PTGER4: variants seen among roughly 807,000 people sequenced by gnomAD.
PTGER4 encodes prostaglandin E receptor 4.
Under a neutral mutation model 33.2 loss-of-function variants are expected in PTGER4, and 11 were observed. The observed-to-expected ratio is 0.33, with a 90% confidence interval of 0.21 to 0.55. The LOEUF is 0.55. PTGER4 is among the 20% of genes least tolerant of loss of function. PTGER4 has a pLI of 0.92. For synonymous variants in PTGER4, 275 were observed against 281.5 expected, an observed-to-expected ratio of 0.98 and a Z score of 0.23; for missense variants, 481 against 650.2, an observed-to-expected ratio of 0.74 and a Z score of 2.83.
the PTGER4 span, among the ~76,000 whole-genome samples, chr5:40,705,317 A>T: frequency 0.3 from 45,326 of 152,100 alleles, 7,013 homozygotes; most frequent in East Asian, 0.56. Context: ...CATATACAAA[A>T]ATCAACTCAA....
At chr5:40,715,650 A>G in the PTGER4 span, 1 of 152,546 alleles carries the variant, frequency 6.6e-6, no homozygotes, top group Non-Finnish European at 1.5e-5. Flanking sequence ...ACCAAATGAC[A>G]ACTTTGAATC....
chr5:40,709,717 C>T, the PTGER4 span, among the ~76,000 whole-genome samples: 3 of 152,176 alleles, frequency 2.0e-5, no homozygotes, highest in Admixed American at 2.0e-4. Context: ...AAAGAGCCCA[C>T]ATTGCCAAGT....
chr5:40,715,205 G>A, the PTGER4 span: 1 of 151,930 alleles, frequency 6.6e-6, no homozygotes, highest in African/African-American at 2.4e-5. Flanking sequence ...TCACTGAGTA[G>A]TTTCAAAAAA....
chr5:40,706,622 C>A, the PTGER4 span, among the ~76,000 whole-genome samples: 4 of 151,490 alleles, frequency 2.6e-5, no homozygotes, highest in Admixed American at 1.3e-4. Context: ...CAGCACAAAG[C>A]AGAAAATCTT....
chr5:40,741,352 A>G, the PTGER4 span, among the ~76,000 whole-genome samples: 1 of 152,180 alleles, frequency 6.6e-6, no homozygotes, highest in East Asian at 1.9e-4. Flanking sequence ...GTGACCATCA[A>G]AGACACTCCA....
chr5:40,686,033 A>C, intron 2 of PTGER4, among the ~76,000 whole-genome samples: 1 of 152,210 alleles, frequency 6.6e-6, no homozygotes, highest in Non-Finnish European at 1.5e-5. Flanking sequence ...CCAGAAGAAG[A>C]ACCAAGCTCT....
At chr5:40,696,706 A>G, downstream of PTGER4, 2 of 984,876 alleles carry the variant, frequency 2.0e-6, no homozygotes, top group Non-Finnish European at 2.4e-6. Context: ...AACACCAGTC[A>G]CTTTTCCTAA....
downstream of PTGER4, among the ~76,000 whole-genome samples, chr5:40,698,237 C>A (rs1741659551): frequency 6.6e-6 from 1 of 151,640 alleles, no homozygotes; most frequent in Non-Finnish European, 1.5e-5. Flanking sequence ...AAGATGGTGC[C>A]ACTGGACACC....
chr5:40,718,236 T>C, the PTGER4 span, among the ~76,000 whole-genome samples: 269 of 151,448 alleles, frequency 1.8e-3, 1 homozygote, highest in African/African-American at 6.2e-3. Context: ...AAACCCCGTC[T>C]CTACTAAAGA....
the PTGER4 span, among the ~76,000 whole-genome samples, chr5:40,711,602 A>C: frequency 6.6e-6 from 1 of 152,146 alleles, no homozygotes; most frequent in Non-Finnish European, 1.5e-5. Context: ...TAGCAGCTTT[A>C]TTCATAATAG....
downstream of PTGER4, among the ~76,000 whole-genome samples, chr5:40,696,982 A>AGAGAGAGAG (rs66476258): frequency 2.4e-5 from 3 of 124,962 alleles, no homozygotes; most frequent in East Asian, 6.5e-4. Flanking sequence ...GAGAGAGAGA[A>AGAGAGAGAG]AGAGAGAAAG....
intron 2 of PTGER4, among the ~76,000 whole-genome samples, chr5:40,682,911 T>A (rs1173930968): frequency 6.6e-6 from 1 of 152,200 alleles, no homozygotes; most frequent in Non-Finnish European, 1.5e-5. Context: ...AAGAATTGCC[T>A]TTGGATTAAC....
chr5:40,685,144 T>G (rs2111795045), intron 2 of PTGER4, among the ~76,000 whole-genome samples: 1 of 152,332 alleles, frequency 6.6e-6, no homozygotes, highest in East Asian at 1.9e-4. Flanking sequence ...GCTTACTTGT[T>G]TCTTTTATTT....
the PTGER4 span, among the ~76,000 whole-genome samples, chr5:40,738,013 G>A: frequency 6.6e-6 from 1 of 152,180 alleles, no homozygotes; most frequent in African/African-American, 2.4e-5. Flanking sequence ...AGCTGCTAGA[G>A]ACATTGTTGG....
Position 40,692,096 on chromosome 5 carries a change from CCTGCCAGACCTCTCA to C in PTGER4, c.1198_1212del (p.Leu401_Ser405del), listed in dbSNP as rs764545683. ...AGATCAGCAGTACATCTCAGACCCT[CCTGCCAGACCTCTCA>C]CTGCCAGACCTCAGTGAAAATGGCC... On this transcript the variant is annotated inframe_deletion, in exon 3 of 3. Coordinates refer to ENST00000302472, the MANE Select transcript of PTGER4 (RefSeq NM_000958.3). 18 of 1,614,244 alleles carry C rather than the reference CCTGCCAGACCTCTCA, an allele frequency of 1.1e-5. No homozygotes were observed. In the Admixed American group the frequency reaches 2.7e-4, roughly 24 times the overall value.
chr5:40,724,453 T>C, the PTGER4 span, among the ~76,000 whole-genome samples: 1 of 151,978 alleles, frequency 6.6e-6, no homozygotes, highest in Non-Finnish European at 1.5e-5. Context: ...GCCAACACGG[T>C]GAAACCCTGT....
chr5:40,722,353 C>A, the PTGER4 span, among the ~76,000 whole-genome samples: 1 of 152,176 alleles, frequency 6.6e-6, no homozygotes, highest in Admixed American at 6.5e-5. Context: ...AGGAGCGTCT[C>A]TGCCTGGCCG....
chr5:40,728,491 A>AC, the PTGER4 span: 1 of 1,578,440 alleles, frequency 6.3e-7, no homozygotes, highest in East Asian at 2.2e-5. Flanking sequence ...AGGCAAAAAA[A>AC]GACCAAAAAA....
At chr5:40,699,716 C>A in the PTGER4 span, among the ~76,000 whole-genome samples, 4 of 151,928 alleles carry the variant, frequency 2.6e-5, no homozygotes, top group African/African-American at 9.7e-5. Context: ...ATGTAACTTA[C>A]CATACAAACA....
Sources: allele counts gnomAD v4.1 joint callset (sites outside exome capture counted in the v4.1 genomes callset), GRCh38; gene constraint gnomAD v4.1.1; transcripts MANE v1.5; gene names NCBI Gene and HGNC (gene_info 2026-07-23, HGNC 2026-07-21).